NUCB2: variants seen among roughly 807,000 people sequenced by gnomAD.
The protein encoded by NUCB2 is nucleobindin-2.
Under a neutral mutation model 57.9 loss-of-function variants are expected in NUCB2, and 48 were observed. That is an observed-to-expected ratio of 0.83 (90% confidence interval 0.66 to 1.05). The LOEUF (loss-of-function observed/expected upper bound fraction) is 1.05. Ranked by LOEUF, NUCB2 falls within the 50% of genes least tolerant of loss-of-function variation. NUCB2 has a pLI of 0.00. For synonymous variants in NUCB2, 139 were observed against 152.1 expected (o/e 0.91, Z 0.64); for missense variants, 442 against 476.2 (o/e 0.93, Z 0.67).
At chr11:17,334,681 T>A (rs1036991545), downstream of NUCB2, among the ~76,000 whole-genome samples, 1 of 152,046 alleles carries the variant, frequency 6.6e-6, no homozygotes, top group African/African-American at 2.4e-5. Flanking sequence ...AGGTTAGGAG[T>A]TCCAGACCAG....
At chr11:17,310,028 T>C (rs1287496466) in intron 6 of NUCB2, among the ~76,000 whole-genome samples, 1 of 152,212 alleles carries the variant, frequency 6.6e-6, no homozygotes, top group Non-Finnish European at 1.5e-5. Context: ...TATTCCATAA[T>C]ATGGCATATG....
chr11:17,288,165 GT>G (rs138318592), intron 2 of NUCB2, among the ~76,000 whole-genome samples: 2,184 of 152,188 alleles, frequency 0.014, 51 homozygotes, highest in African/African-American at 0.05. Flanking sequence ...AATTTATTTC[GT>G]TTAATTTCTT....
intron 5 of NUCB2, 35 bp downstream of exon 5, chr11:17,301,905 C>CT (rs1426868463): frequency 6.4e-7 from 1 of 1,562,474 alleles, no homozygotes; most frequent in Admixed American, 1.8e-5. Flanking sequence ...TTTTTTTTTT[C>CT]TTTTTTCCTT....
intron 11 of NUCB2, among the ~76,000 whole-genome samples, chr11:17,316,787 A>G (rs945738390): frequency 1.3e-5 from 2 of 152,228 alleles, no homozygotes; most frequent in African/African-American, 4.8e-5. Context: ...AACTGAAAAT[A>G]TTACTATTTA....
intron 2 of NUCB2, among the ~76,000 whole-genome samples, chr11:17,284,279 C>T (rs1943243702): frequency 6.6e-6 from 1 of 152,052 alleles, no homozygotes; most frequent in Non-Finnish European, 1.5e-5. Context: ...CAGCCCCCTA[C>T]AGTGATGGGA....
chr11:17,307,174 G>A (rs1392107355), intron 5 of NUCB2, among the ~76,000 whole-genome samples: 2 of 152,008 alleles, frequency 1.3e-5, no homozygotes, highest in African/African-American at 4.8e-5. Context: ...AAAGTGCTGG[G>A]TTTACAGGCA....
At chr11:17,335,582 A>G (rs550770752), downstream of NUCB2, among the ~76,000 whole-genome samples, 3 of 152,240 alleles carry the variant, frequency 2.0e-5, no homozygotes, top group South Asian at 4.2e-4. Context: ...GCTCACTGCA[A>G]CATGTGCTGC....
At chr11:17,338,820 C>G (rs1180301503) in intron 2 of NUCB2, among the ~76,000 whole-genome samples, 1 of 151,716 alleles carries the variant, frequency 6.6e-6, no homozygotes, top group East Asian at 1.9e-4. Context: ...TATGCCACCA[C>G]ACCTGGCTAA....
chr11:17,302,361 G>A (rs1192056239), intron 5 of NUCB2, among the ~76,000 whole-genome samples: 1 of 151,852 alleles, frequency 6.6e-6, no homozygotes, highest in East Asian at 1.9e-4. Flanking sequence ...AGTATAATAA[G>A]CCATAATTAT....
chr11:17,303,834 G>C (rs1040830539), intron 5 of NUCB2, among the ~76,000 whole-genome samples: 1 of 147,644 alleles, frequency 6.8e-6, no homozygotes, highest in East Asian at 2.0e-4. Context: ...GCAGTGAACT[G>C]AGATCACGTC....
At chr11:17,311,052 A>C in intron 7 of NUCB2, 42 bp downstream of exon 7, 7 of 1,492,186 alleles carry the variant, frequency 4.7e-6, no homozygotes, top group Non-Finnish European at 6.3e-6. Context: ...AGATAAAGAT[A>C]CTTCTTCGTA....
chr11:17,326,619 G>A (rs534589773), intron 11 of NUCB2, among the ~76,000 whole-genome samples: 2 of 152,190 alleles, frequency 1.3e-5, no homozygotes, highest in Admixed American at 6.5e-5. Context: ...GCACCTGGCT[G>A]TACTTTTTAT....
At chr11:17,313,732 T>C (rs946601698) in intron 10 of NUCB2, among the ~76,000 whole-genome samples, 4 of 152,140 alleles carry the variant, frequency 2.6e-5, no homozygotes, top group Non-Finnish European at 5.9e-5. Flanking sequence ...TTCACTTGGC[T>C]TTTAGGAAAC....
chr11:17,292,555 C>A (rs1015519652), intron 2 of NUCB2, among the ~76,000 whole-genome samples: 1 of 152,162 alleles, frequency 6.6e-6, no homozygotes, highest in Non-Finnish European at 1.5e-5. Flanking sequence ...CTTGAGAATT[C>A]GCATTTCTAA....
chr11:17,338,008 T>C (rs1951951257), intron 2 of NUCB2, among the ~76,000 whole-genome samples: 1 of 152,226 alleles, frequency 6.6e-6, no homozygotes, highest in South Asian at 2.1e-4. Context: ...TTTTAATTTA[T>C]TTAAAAAATG....
intron 5 of NUCB2, among the ~76,000 whole-genome samples, chr11:17,304,516 A>G (rs920938970): frequency 5.3e-5 from 8 of 152,068 alleles, no homozygotes; most frequent in African/African-American, 1.9e-4. Context: ...TCATACAAAT[A>G]AAAAAAATTT....
At position 17,288,549 on chromosome 11, in the gene NUCB2, C is replaced by T. The variant is rs371634586; in HGVS notation, c.-1+5606C>T. ...TTATCTTTTTCTTCTTCTTCTTCTT[C>T]TTCTTTTTTTTTTTTTTTTGAGACA... On this transcript the variant is annotated intron_variant, in intron 2 of 13. Transcript: ENST00000529010. 2.2e-3 allele frequency among the ~76,000 whole-genome samples: 166 copies of T among 75,836 alleles called. No homozygotes were observed. In the East Asian group the frequency reaches 0.045, roughly 21 times the overall value. The allele number at this position is 75,836 out of a possible 152,430, so 49.8% of individuals were successfully genotyped here. A position where few individuals can be genotyped will look rare whatever the true frequency, so the allele number is the denominator to read the frequency against.
intron 11 of NUCB2, among the ~76,000 whole-genome samples, chr11:17,328,965 G>A (rs1951036005): frequency 6.6e-6 from 1 of 152,160 alleles, no homozygotes; most frequent in Non-Finnish European, 1.5e-5. Context: ...CATGGGTCTT[G>A]CCGCTGATTA....
chr11:17,302,832 C>T (rs1361335228), intron 5 of NUCB2, among the ~76,000 whole-genome samples: 4 of 151,798 alleles, frequency 2.6e-5, no homozygotes, highest in South Asian at 2.1e-4. Context: ...CTCTGCCTCC[C>T]GGGTTCACAC....
Sources: gnomAD v4.1 joint callset for allele counts (sites outside exome capture counted in the v4.1 genomes callset) on GRCh38, gnomAD v4.1.1 for gene constraint, MANE v1.5 for transcripts, NCBI Gene and HGNC (gene_info 2026-07-23, HGNC 2026-07-21) for gene names.